The following CCSER1 variants were observed in gnomAD, a reference collection of about 807,000 sequenced individuals.
CCSER1 encodes the protein coiled-coil serine rich protein 1, also known as serine-rich coiled-coil domain-containing protein 1.
A neutral mutation model predicts 82.0 loss-of-function variants in CCSER1; 41 were observed. The ratio of observed to expected loss-of-function variants is 0.50; its 90% CI spans 0.39 to 0.65. The LOEUF (loss-of-function observed/expected upper bound fraction) is 0.65. Among genes scored for constraint, CCSER1 ranks in the 30% least tolerant of loss-of-function variants. CCSER1 has a pLI of 0.00. For synonymous variants in CCSER1, 414 were observed against 383.9 expected, an observed-to-expected ratio of 1.08 and a Z score of -0.92; for missense variants, 1,119 against 1,064.2, an observed-to-expected ratio of 1.05 and a Z score of -0.72.
intron 7 of CCSER1, among the ~76,000 whole-genome samples, chr4:90,788,882 TC>T (rs367562087): frequency 2.2e-4 from 33 of 152,272 alleles, no homozygotes; most frequent in African/African-American, 7.5e-4. Flanking sequence ...ATGTACTGAA[TC>T]TCATTCTTTC....
At chr4:91,058,736 T>A (rs1743672033) in intron 9 of CCSER1, among the ~76,000 whole-genome samples, 1 of 152,050 alleles carries the variant, frequency 6.6e-6, no homozygotes, top group Non-Finnish European at 1.5e-5. Context: ...TTATATTATT[T>A]TATGAAAAAC....
At chr4:90,567,033 A>AAGAC (rs1779483273) in intron 5 of CCSER1, among the ~76,000 whole-genome samples, 2 of 150,064 alleles carry the variant, frequency 1.3e-5, no homozygotes, top group African/African-American at 4.9e-5. Flanking sequence ...AACAAAAACA[A>AAGAC]AAACAAAAAA....
chr4:90,776,525 A>G (rs1752915333), intron 7 of CCSER1, among the ~76,000 whole-genome samples: 1 of 152,218 alleles, frequency 6.6e-6, no homozygotes, highest in Non-Finnish European at 1.5e-5. Flanking sequence ...TAAGCTAGCT[A>G]TCTATTGAAT....
chr4:91,413,934 T>C (rs527573329), intron 10 of CCSER1, among the ~76,000 whole-genome samples: 8 of 152,016 alleles, frequency 5.3e-5, no homozygotes, highest in Non-Finnish European at 1.0e-4. Context: ...AGAAATACTA[T>C]ACCAAGAAAA....
chr4:90,384,488 G>A (rs926732659), intron 3 of CCSER1, among the ~76,000 whole-genome samples: 8 of 151,956 alleles, frequency 5.3e-5, no homozygotes, highest in African/African-American at 1.5e-4. Flanking sequence ...CTGGCTGTTA[G>A]GATCCATTTA....
At chr4:90,420,194 AATTG>A (rs571186041) in intron 4 of CCSER1, among the ~76,000 whole-genome samples, 85 of 152,118 alleles carry the variant, frequency 5.6e-4, no homozygotes, top group African/African-American at 1.9e-3. Flanking sequence ...CAAATTGACC[AATTG>A]ATTAATTCAT....
In CCSER1 at chr4:91,147,415, G is replaced by C. The variant is rs576964541; in HGVS notation, c.2217+61421G>C. Among the ~76,000 whole-genome samples the C allele has an allele frequency of 4.6e-5, 7 of 152,290 alleles. No individual in the cohort carries two copies. In the South Asian group the frequency reaches 1.0e-3, roughly 23 times the overall value. Reference sequence around the variant, plus strand: ...TCCAGGTGTTCAGAGCCATGGGGCTGTCTGGGTAAAAAGCTGTTGCTGGCT... The same window carrying C: ...TCCAGGTGTTCAGAGCCATGGGGCTCTCTGGGTAAAAAGCTGTTGCTGGCT... On this transcript the variant is annotated intron_variant, in intron 10 of 10. Coordinates refer to ENST00000509176, the MANE Select transcript of CCSER1 (RefSeq NM_001145065.2).
chr4:90,305,635 T>C (rs1337868306), intron 1 of CCSER1, among the ~76,000 whole-genome samples: 1 of 152,212 alleles, frequency 6.6e-6, no homozygotes, highest in African/African-American at 2.4e-5. Context: ...AGCAAAGCCT[T>C]ACAAGAATAC....
At chr4:91,378,943 G>C (rs1341725099) in intron 10 of CCSER1, among the ~76,000 whole-genome samples, 2 of 152,136 alleles carry the variant, frequency 1.3e-5, no homozygotes, top group Non-Finnish European at 2.9e-5. Flanking sequence ...CTAATTTATT[G>C]AGAGTTTTTA....
At position 90,447,740 on chromosome 4, in the gene CCSER1, C is replaced by G. The variant is rs1760851917; in HGVS notation, c.1604-20494C>G. ...ATACCCAAGTCAAAACAACTTTGGG[C>G]TGATAGGTGAAACAACGTTAATGGA... is the stretch of plus-strand genomic sequence containing the variant. On this transcript the variant is annotated intron_variant, in intron 4 of 10. Transcript: ENST00000509176. Among the ~76,000 whole-genome samples the G allele has an allele frequency of 2.6e-5, 4 of 152,170 alleles. No homozygotes were observed. The South Asian group carries it at 8.3e-4, about 32-fold the overall frequency.
chr4:90,574,013 G>C (rs1297267779), intron 5 of CCSER1, among the ~76,000 whole-genome samples: 2 of 151,020 alleles, frequency 1.3e-5, no homozygotes, highest in African/African-American at 4.9e-5. Flanking sequence ...AGTGAATGAA[G>C]GATATTGTTT....
chr4:90,810,487 A>C (rs1207502443), intron 7 of CCSER1, among the ~76,000 whole-genome samples: 2 of 152,158 alleles, frequency 1.3e-5, no homozygotes, highest in East Asian at 2.0e-4. Flanking sequence ...GTCTCTACTA[A>C]AAATACAAAA....
intron 9 of CCSER1, among the ~76,000 whole-genome samples, chr4:90,943,486 C>A (rs1040904275): frequency 1.3e-5 from 2 of 152,044 alleles, no homozygotes; most frequent in Non-Finnish European, 2.9e-5. Context: ...TTCAGTAATG[C>A]CTATGCAACA....
intron 5 of CCSER1, among the ~76,000 whole-genome samples, chr4:90,585,342 T>G (rs1781880513): frequency 1.3e-5 from 2 of 152,178 alleles, no homozygotes; most frequent in Admixed American, 6.5e-5. Flanking sequence ...GACAAAATCC[T>G]TTATGTACAG....
chr4:91,182,200 A>T (rs759403413), intron 10 of CCSER1, among the ~76,000 whole-genome samples: 12 of 152,152 alleles, frequency 7.9e-5, no homozygotes, highest in Non-Finnish European at 1.6e-4. Context: ...TCCTTCTGGA[A>T]TCTCTTCCTC....
At chr4:90,499,738 A>C (rs1769571619) in intron 5 of CCSER1, among the ~76,000 whole-genome samples, 1 of 152,160 alleles carries the variant, frequency 6.6e-6, no homozygotes, top group Non-Finnish European at 1.5e-5. Flanking sequence ...ATTATAAGCA[A>C]GGAAAAGGAT....
intron 9 of CCSER1, among the ~76,000 whole-genome samples, chr4:90,932,946 GAAAGAAAGAAAGAAAGAAAGA>G (rs1730119088): frequency 3.2e-5 from 1 of 31,000 alleles, no homozygotes; most frequent in Non-Finnish European, 5.7e-5. Flanking sequence ...AAGAAAGAAA[GAAAGAAAGAAAGAAAGAAAGA>G]AAGAAAGAAA....
intron 3 of CCSER1, among the ~76,000 whole-genome samples, chr4:90,358,983 A>G (rs1435573285): frequency 1.3e-5 from 2 of 152,234 alleles, no homozygotes; most frequent in African/African-American, 4.8e-5. Context: ...TCATGAAAAG[A>G]TACTTTTAAA....
At chr4:90,910,307 C>T (rs2150187192) in intron 8 of CCSER1, among the ~76,000 whole-genome samples, 1 of 152,298 alleles carries the variant, frequency 6.6e-6, no homozygotes, top group African/African-American at 2.4e-5. Flanking sequence ...CCATATTACT[C>T]ATTAAAAACA....
Sources: gnomAD v4.1 joint callset for allele counts (sites outside exome capture counted in the v4.1 genomes callset) on GRCh38, gnomAD v4.1.1 for gene constraint, MANE v1.5 for transcripts, NCBI Gene and HGNC (gene_info 2026-07-23, HGNC 2026-07-21) for gene names.